The following XPR1 variants were observed in gnomAD, a reference collection of about 807,000 sequenced individuals.
The protein encoded by XPR1 is solute carrier family 53 member 1.
Under a neutral mutation model 87.5 loss-of-function variants are expected in XPR1, and 28 were observed. That is an observed-to-expected ratio of 0.32 (90% CI 0.24 to 0.44). The LOEUF (loss-of-function observed/expected upper bound fraction) is 0.44, where lower values mean the gene tolerates loss of function less well. Ranked by LOEUF, XPR1 falls within the 20% of genes least tolerant of loss-of-function variation. XPR1 has a pLI of 1.00. For missense variants in XPR1, 559 were observed against 862.3 expected (o/e 0.65, Z 4.41); for synonymous variants, 300 against 306.1 (o/e 0.98, Z 0.21).
At chr1:180,830,602 A>C (rs12059644) in intron 9 of XPR1, among the ~76,000 whole-genome samples, 6,543 of 152,290 alleles carry the variant, frequency 0.043, 505 homozygotes, top group African/African-American at 0.15. Flanking sequence ...ATAACTAGAT[A>C]ATCAGAGCTA....
rs150835242 is a variant in XPR1 at position 180,885,876 on chromosome 1, T to G, written c.*1810T>G. The G allele has an allele frequency of 1.1e-3, 175 of 152,332 alleles. No individual in the cohort carries two copies. Among genetic ancestry groups the G allele is most frequent in the African/African-American group, 3.9e-3 (162 of 41,572 alleles). 9.4% of individuals were successfully genotyped at this position (152,332 alleles called of 1,614,324 possible). A position where few individuals can be genotyped will look rare whatever the true frequency, so the allele number is the denominator to read the frequency against. On this transcript the variant is annotated 3_prime_UTR_variant, in exon 15 of 15. Coordinates refer to ENST00000367590, the MANE Select transcript of XPR1 (RefSeq NM_004736.4). ...GTAAAAGTTACTGTTACTAGAAAAT[T>G]TTTATCAATTAACTGACAAATAGTT... is the stretch of plus-strand genomic sequence containing the variant.
At chr1:180,831,992 A>G (rs935733943) in intron 9 of XPR1, among the ~76,000 whole-genome samples, 34 of 152,318 alleles carry the variant, frequency 2.2e-4, no homozygotes, top group African/African-American at 7.9e-4. Flanking sequence ...ACAATGGTTG[A>G]ACTAATTTAT....
chr1:180,880,189 T>C lies in XPR1; in HGVS notation c.1922T>C (p.Leu641Pro). Residue 641 changes from leucine to proline, a missense_variant, in exon 14 of 15, where the codon CTC becomes CCC. Leu to Pro is a moderately conservative substitution (Grantham distance 98). Coordinates refer to ENST00000367590, the MANE Select transcript of XPR1 (RefSeq NM_004736.4). ...VAPLNADDQT[L>P]LEQMMDQDDG... is the part of the protein sequence containing the mutation. ...CCCCTGAACGCAGATGATCAGACTCTCCTAGAACAGATGATGGACCAGGAT... is the reference window on the plus strand; with the variant it reads ...CCCCTGAACGCAGATGATCAGACTCCCCTAGAACAGATGATGGACCAGGAT... 6.2e-7 allele frequency: 1 copy of C among 1,614,150 alleles called. No homozygotes were observed. The highest frequency in any genetic ancestry group is 8.5e-7 in the Non-Finnish European group (1 of 1,180,032).
At chr1:180,659,611 C>T (rs1338414560) in intron 1 of XPR1, among the ~76,000 whole-genome samples, 11 of 132,466 alleles carry the variant, frequency 8.3e-5, no homozygotes, top group Admixed American at 1.5e-4. Flanking sequence ...CACCCCCCGC[C>T]GGGTTCAAGC....
At chr1:180,782,486 G>A (rs1003690047) in intron 2 of XPR1, among the ~76,000 whole-genome samples, 20 of 151,958 alleles carry the variant, frequency 1.3e-4, no homozygotes, top group African/African-American at 4.6e-4. Flanking sequence ...CCTATCCTCT[G>A]TGTGTGATTG....
intron 2 of XPR1, among the ~76,000 whole-genome samples, chr1:180,695,791 T>C (rs961260522): frequency 7.2e-5 from 11 of 152,160 alleles, no homozygotes; most frequent in African/African-American, 2.4e-4. Flanking sequence ...ATGGCCTGTG[T>C]GTATGTAGTT....
intron 11 of XPR1, among the ~76,000 whole-genome samples, chr1:180,856,738 G>A (rs1652044311): frequency 1.3e-5 from 2 of 152,138 alleles, no homozygotes; most frequent in South Asian, 4.2e-4. Flanking sequence ...CTTAATTTTT[G>A]CCTTACCTCT....
intron 1 of XPR1, among the ~76,000 whole-genome samples, chr1:180,656,477 TTATA>T (rs1247998213): frequency 0.021 from 443 of 21,236 alleles, 134 homozygotes; most frequent in Non-Finnish European, 0.029. Context: ...TATTTATACA[TTATA>T]TATAATATTT....
rs1189606674 is a variant in XPR1, at chr1:180,714,708, T to G, written c.121+32297T>G. The stretch of plus-strand genomic sequence containing the variant: ...GTGCGAACCACCACACCTGACCCTG[T>G]TTTCTTTTTAATTGATTTCCTCTTC... On this transcript the variant is annotated intron_variant, in intron 2 of 14. Transcript: ENST00000367590. Among the ~76,000 whole-genome samples the G allele has an allele frequency of 3.9e-5, 6 of 152,064 alleles. 1 individual carries two copies. The highest frequency in any genetic ancestry group is 1.4e-4 in the African/African-American group (6 of 41,394).
At chr1:180,764,848 C>T (rs1452020881) in intron 2 of XPR1, among the ~76,000 whole-genome samples, 2 of 148,126 alleles carry the variant, frequency 1.4e-5, no homozygotes, top group African/African-American at 2.5e-5. Flanking sequence ...TGCAGTGGCG[C>T]AATCTGGGCT....
chr1:180,792,395 T>C (rs537308175), intron 3 of XPR1, among the ~76,000 whole-genome samples: 61 of 152,344 alleles, frequency 4.0e-4, no homozygotes, highest in Admixed American at 1.0e-3. Flanking sequence ...AATTTGGAAT[T>C]TTTTTCTTGC....
intron 2 of XPR1, among the ~76,000 whole-genome samples, chr1:180,696,924 CAG>C (rs1166159033): frequency 3.9e-5 from 6 of 152,048 alleles, no homozygotes; most frequent in Non-Finnish European, 8.8e-5. Flanking sequence ...CTGTGTTTGT[CAG>C]AGATATTGGC....
chr1:180,750,587 C>G (rs1015688596), intron 2 of XPR1, among the ~76,000 whole-genome samples: 9 of 151,684 alleles, frequency 5.9e-5, no homozygotes, highest in Admixed American at 5.2e-4. Flanking sequence ...TTTCTTGGCT[C>G]TCTATCTTAT....
chr1:180,808,241 G>A (rs957679081), intron 6 of XPR1, among the ~76,000 whole-genome samples: 2 of 151,146 alleles, frequency 1.3e-5, no homozygotes, highest in Admixed American at 1.3e-4. Flanking sequence ...GTGGAGAAGG[G>A]TAGCATTTTC....
intron 2 of XPR1, among the ~76,000 whole-genome samples, chr1:180,750,059 A>C (rs969319327): frequency 2.0e-5 from 3 of 152,216 alleles, no homozygotes; most frequent in African/African-American, 7.2e-5. Context: ...AAACACTATG[A>C]ATCATAGCAC....
rs1652254527 is a variant in XPR1 at position 180,862,463 on chromosome 1, CCTGA to C, written c.1502-1242_1502-1239del. Among the ~76,000 whole-genome samples, 3 of 152,204 alleles carry C rather than the reference CCTGA, an allele frequency of 2.0e-5. 1 individual carries two copies. In the South Asian group the frequency reaches 6.2e-4, roughly 32 times the overall value. ...GCCTCGAATGACCTCACCTTATCTG[CCTGA>C]CTTTTGCAATACTATTTATTTATCC... On this transcript the variant is annotated intron_variant, in intron 11 of 14. Coordinates refer to ENST00000367590, the MANE Select transcript of XPR1 (RefSeq NM_004736.4).
intron 2 of XPR1, among the ~76,000 whole-genome samples, chr1:180,712,846 C>G (rs967805170): frequency 1.4e-4 from 21 of 150,536 alleles, no homozygotes; most frequent in African/African-American, 5.1e-4. Flanking sequence ...AAAAATAAAT[C>G]AGTTGTTCAT....
At chr1:180,675,837 T>A (rs1471715074) in intron 1 of XPR1, among the ~76,000 whole-genome samples, 1 of 151,972 alleles carries the variant, frequency 6.6e-6, no homozygotes, top group African/African-American at 2.4e-5. Context: ...CTTCAGAGGG[T>A]TTGTTTCCTC....
Position 180,806,091 on chromosome 1 carries a change from C to G in XPR1, c.477C>G (p.Ile159Met). The change falls in exon 5 of 15, where the codon ATC (isoleucine) becomes ATG (methionine). Residue 159 changes from isoleucine (I) to methionine (M), a missense_variant. Transcript: ENST00000367590. The part of the protein sequence containing the change: ...QNLNFTGFRK[I>M]LKKHDKILET... Reference sequence around the variant, plus strand: ...TGAATTTTACAGGGTTTCGAAAAATCCTGAAAAAGCATGACAAGATCCTGG... The same window carrying G: ...TGAATTTTACAGGGTTTCGAAAAATGCTGAAAAAGCATGACAAGATCCTGG... The G allele has an allele frequency of 6.2e-7, 1 of 1,613,160 alleles. No homozygotes were observed. The highest frequency in any genetic ancestry group is 8.5e-7 in the Non-Finnish European group (1 of 1,179,468).
Sources: allele counts gnomAD v4.1 joint callset (sites outside exome capture counted in the v4.1 genomes callset), GRCh38; gene constraint gnomAD v4.1.1; transcripts MANE v1.5; gene names NCBI Gene and HGNC (gene_info 2026-07-23, HGNC 2026-07-21).